ATP2A3: variants seen among roughly 807,000 people sequenced by gnomAD.
ATP2A3 encodes the protein sarcoplasmic/endoplasmic reticulum calcium ATPase 3.
Under a neutral mutation model 106.8 loss-of-function variants are expected in ATP2A3, and 61 were observed. The ratio of observed to expected loss-of-function variants is 0.57; its 90% confidence interval spans 0.46 to 0.71. ATP2A3 has a LOEUF of 0.71. Among genes scored for constraint, ATP2A3 ranks in the 30% least tolerant of loss-of-function variants. The pLI is 0.00. For synonymous variants in ATP2A3, 611 were observed against 609.3 expected, an observed-to-expected ratio of 1.00 and a Z score of -0.04; for missense variants, 1,201 against 1,423.5, an observed-to-expected ratio of 0.84 and a Z score of 2.52.
chr17:3,935,789 C>T (rs2053410685), intron 16 of ATP2A3, among the ~76,000 whole-genome samples: 1 of 152,020 alleles, frequency 6.6e-6, no homozygotes, highest in Non-Finnish European at 1.5e-5. Flanking sequence ...CTGCCTGCCT[C>T]GGCCTCCCAA....
At chr17:3,935,108 C>T in intron 17 of ATP2A3, 84 bp downstream of exon 17, 1 of 1,387,164 alleles carries the variant, frequency 7.2e-7, no homozygotes. Context: ...GCAGGCCACC[C>T]ATGCGGCTCT....
intron 12 of ATP2A3, among the ~76,000 whole-genome samples, chr17:3,942,310 G>A (rs1452435175): frequency 6.6e-6 from 1 of 152,240 alleles, no homozygotes; most frequent in African/African-American, 2.4e-5. Flanking sequence ...CCCTTGCAGG[G>A]TGAAGCTAGA....
chr17:3,927,414 C>T lies in ATP2A3; in HGVS notation c.2980+1249G>A, dbSNP rs1249735131. The T allele has an allele frequency of 3.0e-5, 30 of 985,406 alleles. No homozygotes were observed. The Middle Eastern group carries it at 1.6e-3, about 51-fold the overall frequency. 61.0% of individuals were successfully genotyped at this position (985,406 alleles called of 1,614,324 possible). A position where few individuals can be genotyped will look rare whatever the true frequency, so the allele number is the denominator to read the frequency against. On this transcript the variant is annotated intron_variant, in intron 20 of 20. Coordinates refer to ENST00000397041, the MANE Select transcript of ATP2A3 (RefSeq NM_005173.4). ...AGACAAGCCACCTGAGCTGTCATGT[C>T]CCCAGAGGCCTGGCTCTGCAGGTGA...
In ATP2A3 at chr17:3,929,427, C is replaced by T. The variant is rs1252182707; in HGVS notation, c.2763G>A (p.Ser921=). The change falls in exon 19 of 21, where the codon TCG becomes TCA. Residue 921 remains serine, a synonymous_variant. Coordinates refer to ENST00000397041, the MANE Select transcript of ATP2A3 (RefSeq NM_005173.4). This position sits in a 1 kb window ranked among gnomAD's most constrained non-coding sequence, Gnocchi z 4.3. ...NALNSVSENQ[S]LLRMPPWMNP... The stretch of plus-strand genomic sequence containing the variant: ...TCATCCAGGGCGGCATCCGCAGCAG[C>T]GACTGGTTCTCCGAGACGCTGCCAG... The T allele has an allele frequency of 8.2e-6, 13 of 1,593,946 alleles. No individual in the cohort carries two copies. The highest frequency in any genetic ancestry group is 1.1e-5 in the South Asian group (1 of 87,958).
intron 9 of ATP2A3, 41 bp downstream of exon 9, chr17:3,945,019 C>G (rs1247522355): frequency 6.8e-7 from 1 of 1,467,932 alleles, no homozygotes; most frequent in South Asian, 1.3e-5. Flanking sequence ...TGGCCCCGCC[C>G]CCAGGCCGCC....
Position 3,930,560 on chromosome 17 carries a change from T to C in ATP2A3, c.2611-126A>G. The C allele has an allele frequency of 1.1e-6, 1 of 908,252 alleles. No homozygotes were observed. Among genetic ancestry groups the C allele is most frequent in the Non-Finnish European group, 1.5e-6 (1 of 663,236 alleles). 56.3% of individuals were successfully genotyped at this position (908,252 alleles called of 1,614,324 possible). A position where few individuals can be genotyped will look rare whatever the true frequency, so the allele number is the denominator to read the frequency against. ...ACAACCAGCACACAAAACACTGCCG[T>C]GGGGTGGGCTGGGGATCCCGGGAGG... On this transcript the variant is annotated intron_variant, in intron 17 of 20. Coordinates refer to ENST00000397041, the MANE Select transcript of ATP2A3 (RefSeq NM_005173.4). The surrounding 1 kb of genome is among the most constrained non-coding windows in gnomAD (Gnocchi z 5.4).
At position 3,940,031 on chromosome 17, in the gene ATP2A3, C is replaced by CTTTTTTTTTTTTTTT. The variant is rs1174008086; in HGVS notation, c.2100+939_2100+940insAAAAAAAAAAAAAAA. On this transcript the variant is annotated intron_variant, in intron 14 of 20. Transcript: ENST00000397041. ...ATGGGTTGATGGTAATGTGTCATAT[C>CTTTTTTTTTTTTTTT]TTTTTTTTTTTGTTTTTTGTTTTTT... is the stretch of plus-strand genomic sequence containing the variant. Among the ~76,000 whole-genome samples the CTTTTTTTTTTTTTTT allele has an allele frequency of 2.7e-4, 26 of 96,520 alleles. 4 individuals carry two copies. The highest frequency in any genetic ancestry group is 1.1e-3 in the African/African-American group (23 of 21,142). 63.3% of individuals were successfully genotyped at this position (96,520 alleles called of 152,430 possible).
Position 3,955,843 on chromosome 17 carries a change from G to A in ATP2A3, c.119-2133C>T, listed in dbSNP as rs1001502686. Among the ~76,000 whole-genome samples the A allele has an allele frequency of 3.9e-5, 6 of 152,094 alleles. No homozygotes were observed. Among genetic ancestry groups the A allele is most frequent in the South Asian group, 2.1e-4 (1 of 4,828 alleles). ...CCCCATGATGCCTCCTGCCTGCCCCGGCTGGTCTCTCAAGTTCTCCTTTCT... is the reference window on the plus strand; with the variant it reads ...CCCCATGATGCCTCCTGCCTGCCCCAGCTGGTCTCTCAAGTTCTCCTTTCT... On this transcript the variant is annotated intron_variant, in intron 1 of 20. Coordinates refer to ENST00000397041, the MANE Select transcript of ATP2A3 (RefSeq NM_005173.4). The surrounding 1 kb of genome is among the most constrained non-coding windows in gnomAD (Gnocchi z 4.2).
intron 14 of ATP2A3, among the ~76,000 whole-genome samples, chr17:3,939,099 T>C (rs1205180824): frequency 6.6e-6 from 1 of 151,818 alleles, no homozygotes; most frequent in African/African-American, 2.4e-5. Context: ...CCCGAGAGGA[T>C]GAGGCTTCAG....
chr17:3,943,667 C>G, intron 10 of ATP2A3, 145 bp from the exon 11 acceptor site: 5 of 1,317,224 alleles, frequency 3.8e-6, no homozygotes, highest in Non-Finnish European at 5.3e-6. Flanking sequence ...CCTTCCCAGC[C>G]TGGCCGCCCT....
At chr17:3,960,376 TG>T (rs2055070115) in intron 1 of ATP2A3, among the ~76,000 whole-genome samples, 1 of 152,248 alleles carries the variant, frequency 6.6e-6, no homozygotes, top group South Asian at 2.1e-4. Flanking sequence ...TCATCCCACC[TG>T]GCAGCCCTGG....
At chr17:3,937,714 C>A in intron 14 of ATP2A3, 78 bp from the exon 15 acceptor site, 1 of 1,423,746 alleles carries the variant, frequency 7.0e-7, no homozygotes, top group Non-Finnish European at 9.7e-7. Flanking sequence ...TCAGCCCACC[C>A]CCAATCTTAG....
intron 1 of ATP2A3, among the ~76,000 whole-genome samples, chr17:3,958,399 T>C (rs982905317): frequency 1.8e-4 from 27 of 152,062 alleles, no homozygotes; most frequent in Admixed American, 1.8e-3. Flanking sequence ...AGTAAACATA[T>C]GTGATGGATG....
Position 3,928,479 on chromosome 17 carries a change from C to T in ATP2A3, c.2980+184G>A. The T allele has an allele frequency of 1.1e-6, 1 of 951,628 alleles. No homozygotes were observed. Among genetic ancestry groups the T allele is most frequent in the Non-Finnish European group, 1.6e-6 (1 of 613,030 alleles). The allele number at this position is 951,628 out of a possible 1,614,324, so 58.9% of individuals were successfully genotyped here. ...GCCCAGGTCCCCTGCAGTGCAAGAC[C>T]CTGCGGACACCTTGGGACCCAGCCA... On this transcript the variant is annotated intron_variant, in intron 20 of 20. Coordinates refer to ENST00000397041, the MANE Select transcript of ATP2A3 (RefSeq NM_005173.4). This position sits in a 1 kb window ranked among gnomAD's most constrained non-coding sequence, Gnocchi z 6.1.
chr17:3,951,546 G>GCCCCCCCCCCCCCCCCCCC, intron 4 of ATP2A3, 35 bp downstream of exon 4: 9 of 1,319,566 alleles, frequency 6.8e-6, no homozygotes, highest in South Asian at 2.5e-5. Context: ...CTGGGAGACC[G>GCCCCCCCCCCCCCCCCCCC]CCCCCCGCCC....
In ATP2A3 at chr17:3,929,541, G is replaced by GGCAACAGCAA; in HGVS notation, c.2745-97_2745-96insTTGCTGTTGC. ...GAGGAGCCTCACCACTTCTCTAGCG[G>GGCAACAGCAA]TGCATTGCTGTTGCCCGCTCGGCCT... is the stretch of plus-strand genomic sequence containing the variant. On this transcript the variant is annotated intron_variant, in intron 18 of 20. Transcript: ENST00000397041. This position sits in a 1 kb window ranked among gnomAD's most constrained non-coding sequence, Gnocchi z 4.3. 1 of 1,070,378 alleles carries GGCAACAGCAA rather than the reference G, an allele frequency of 9.3e-7. No homozygotes were observed. Among genetic ancestry groups the GGCAACAGCAA allele is most frequent in the Non-Finnish European group, 1.4e-6 (1 of 727,752 alleles). 66.3% of individuals were successfully genotyped at this position (1,070,378 alleles called of 1,614,324 possible).
At chr17:3,964,043 G>A in intron 1 of ATP2A3, 131 bp downstream of exon 1, 1 of 376,026 alleles carries the variant, frequency 2.7e-6, no homozygotes, top group Non-Finnish European at 3.9e-6. Flanking sequence ...GGTGCCCCAG[G>A]AGCATCCGAA....
rs767845220 is a variant in ATP2A3 at position 3,944,825 on chromosome 17, C to A, written c.1185-19G>T. On this transcript the variant is annotated intron_variant, in intron 9 of 20. Coordinates refer to ENST00000397041, the MANE Select transcript of ATP2A3 (RefSeq NM_005173.4). ...CTGCCGCCTGCGGAGCCGGGGCGGT[C>A]ACCAGGAGGACCTCGGCTCCGCCCC... is the stretch of plus-strand genomic sequence containing the variant. The A allele has an allele frequency of 6.3e-7, 1 of 1,599,094 alleles. No individual in the cohort carries two copies. Among genetic ancestry groups the A allele is most frequent in the Non-Finnish European group, 8.5e-7 (1 of 1,172,814 alleles).
In ATP2A3 at chr17:3,944,586, C is replaced by T. The variant is rs1463691502; in HGVS notation, c.1287+118G>A. 1.5e-5 allele frequency: 16 copies of T among 1,034,232 alleles called. No homozygotes were observed. In the Admixed American group the frequency reaches 2.4e-4, roughly 15 times the overall value. 64.1% of individuals were successfully genotyped at this position (1,034,232 alleles called of 1,614,324 possible). ...GGGTGTGCAGGGGTAACCGTGCTCC[C>T]TGGGTGTGGCACTTCCAGGGAGCAA... On this transcript the variant is annotated intron_variant, in intron 10 of 20. Coordinates refer to ENST00000397041, the MANE Select transcript of ATP2A3 (RefSeq NM_005173.4).
Sources: allele counts gnomAD v4.1 joint callset (sites outside exome capture counted in the v4.1 genomes callset), GRCh38; gene constraint gnomAD v4.1.1; non-coding constraint Gnocchi (gnomAD v3.1); transcripts MANE v1.5; gene names NCBI Gene and HGNC (gene_info 2026-07-23, HGNC 2026-07-21).